The following SEPHS1 variants were observed in gnomAD, a reference collection of about 807,000 sequenced individuals.
The protein encoded by SEPHS1 is selenophosphate synthetase 1.
Under a neutral mutation model 39.2 loss-of-function variants are expected in SEPHS1, and 7 were observed. The ratio of observed to expected loss-of-function variants is 0.18; its 90% CI spans 0.10 to 0.34. The LOEUF (loss-of-function observed/expected upper bound fraction) is 0.34. SEPHS1 is among the 10% of genes least tolerant of loss of function. The pLI, the probability that SEPHS1 is intolerant of heterozygous loss-of-function variation, is 1.00. For synonymous variants in SEPHS1, 190 were observed against 195.5 expected (o/e 0.97, Z 0.23); for missense variants, 253 against 514.5 (o/e 0.49, Z 4.92).
intron 7 of SEPHS1, among the ~76,000 whole-genome samples, chr10:13,326,987 T>C (rs10796059): frequency 0.64 from 96,775 of 151,970 alleles, 31,074 homozygotes; most frequent in East Asian, 0.77. Context: ...CCTATAATCC[T>C]AGCACCTTGG....
At chr10:13,329,564 ATTTC>A (rs1297507966) in intron 6 of SEPHS1, 130 bp downstream of exon 6, 2 of 623,880 alleles carry the variant, frequency 3.2e-6, no homozygotes, top group Non-Finnish European at 5.6e-6. Flanking sequence ...AATTCCTAGG[ATTTC>A]TTTAAGGACT....
intron 4 of SEPHS1, among the ~76,000 whole-genome samples, chr10:13,334,553 A>C (rs144671019): frequency 1.9e-3 from 290 of 152,062 alleles, no homozygotes; most frequent in African/African-American, 6.0e-3. Context: ...AAAACAAAAA[A>C]AAAAAATATT....
chr10:13,348,058 T>G lies in SEPHS1; in HGVS notation c.-137A>C, dbSNP rs1833988315. 6.9e-6 allele frequency: 1 copy of G among 144,692 alleles called. No homozygotes were observed. Among genetic ancestry groups the G allele is most frequent in the African/African-American group, 2.5e-5 (1 of 40,032 alleles). 9.0% of individuals were successfully genotyped at this position (144,692 alleles called of 1,614,324 possible). ...AACGGGCCGCGGGCCGCTCCCACAA[T>G]GCACCGGGCGCGGCCGGGCTCCCTT... On this transcript the variant is annotated 5_prime_UTR_variant, in exon 1 of 9. Transcript: ENST00000327347.
chr10:13,339,952 C>T (rs1405735194), intron 2 of SEPHS1, among the ~76,000 whole-genome samples: 1 of 152,148 alleles, frequency 6.6e-6, no homozygotes, highest in Non-Finnish European at 1.5e-5. Context: ...GGATGCTGTA[C>T]TTCTACTTTG....
At position 13,323,732 on chromosome 10, in the gene SEPHS1, T is replaced by A. The variant is rs150003032; in HGVS notation, c.752-685A>T. ...GGTGAATTGCGTGCAAGTTTATTTTTAAATTTCTTTCTTTTTTTTTTTTTT... is the reference window on the plus strand; with the variant it reads ...GGTGAATTGCGTGCAAGTTTATTTTAAAATTTCTTTCTTTTTTTTTTTTTT... On this transcript the variant is annotated intron_variant, in intron 7 of 8. Coordinates refer to ENST00000327347, the MANE Select transcript of SEPHS1 (RefSeq NM_012247.5). Among the ~76,000 whole-genome samples the A allele has an allele frequency of 7.1e-3, 1,085 of 151,970 alleles. 13 individuals are homozygous for A. The highest frequency in any genetic ancestry group is 0.025 in the African/African-American group (1,032 of 41,470).
rs1833999364 is a variant in SEPHS1, at chr10:13,348,209, C to T, written c.-288G>A. 6.9e-6 allele frequency: 1 copy of T among 145,820 alleles called. No homozygotes were observed. Among genetic ancestry groups the T allele is most frequent in the Non-Finnish European group, 1.5e-5 (1 of 65,924 alleles). The allele number at this position is 145,820 out of a possible 1,614,324, so 9.0% of individuals were successfully genotyped here. On this transcript the variant is annotated 5_prime_UTR_variant, in exon 1 of 9. Transcript: ENST00000327347. ...GCCCTGCGGGAGCCGGGCCGCCGCG[C>T]TCCCGCCGGCTGGGCGCGCGGGGGT...
chr10:13,319,293 G>T lies in SEPHS1; in HGVS notation c.1028C>A (p.Pro343His), dbSNP rs749867055. 6.2e-7 allele frequency: 1 copy of T among 1,613,870 alleles called. No individual in the cohort carries two copies. Among genetic ancestry groups the T allele is most frequent in the Non-Finnish European group, 8.5e-7 (1 of 1,179,908 alleles). The change falls in exon 9 of 9, where the codon CCC becomes CAC. Residue 343 changes from proline to histidine, a missense_variant. Pro to His is a moderately conservative substitution (Grantham distance 77). Transcript: ENST00000327347. ...AARFCAEIKSPKYGEGHQAWI... is the reference protein window; with the variant it reads ...AARFCAEIKSHKYGEGHQAWI... Reference sequence around the variant, plus strand: ...TGCTTGGTGGCCTTCACCATATTTGGGGGACTTTATCTCTGCACAGAACCG... The same window carrying T: ...TGCTTGGTGGCCTTCACCATATTTGTGGGACTTTATCTCTGCACAGAACCG...
chr10:13,328,442 T>C lies in SEPHS1; in HGVS notation c.660A>G (p.Lys220=), dbSNP rs1833369475. 2 of 1,606,268 alleles carry C rather than the reference T, an allele frequency of 1.2e-6. No homozygotes were observed. The highest frequency in any genetic ancestry group is 1.7e-5 in the Admixed American group (1 of 59,840). ...AVHQWLDIPE[K]WNKIKLVVTQ... ...TGACCACTAGTTTAATCTTATTCCATTTCTCAGGCTGATAATAGAAATGTA... is the reference window on the plus strand; with the variant it reads ...TGACCACTAGTTTAATCTTATTCCACTTCTCAGGCTGATAATAGAAATGTA... The change falls in exon 7 of 9, where the codon AAA becomes AAG. Residue 220 remains lysine, a synonymous_variant. Transcript: ENST00000327347.
intron 7 of SEPHS1, 72 bp downstream of exon 7, chr10:13,328,279 G>A (rs1833363029): frequency 1.9e-6 from 2 of 1,054,088 alleles, no homozygotes; most frequent in South Asian, 1.4e-5. Context: ...GAGACAGTAT[G>A]TGGCCAGAAA....
intron 7 of SEPHS1, among the ~76,000 whole-genome samples, chr10:13,325,493 C>T (rs986061801): frequency 6.6e-6 from 1 of 152,188 alleles, no homozygotes; most frequent in South Asian, 2.1e-4. Flanking sequence ...CCCTGCTCTT[C>T]TCTGTCCTGC....
intron 2 of SEPHS1, among the ~76,000 whole-genome samples, chr10:13,344,137 C>T (rs1435798364): frequency 6.6e-6 from 1 of 152,156 alleles, no homozygotes; most frequent in Non-Finnish European, 1.5e-5. Flanking sequence ...CCGTAACACG[C>T]TTTTCGCCCG....
In SEPHS1 at chr10:13,317,703, T is replaced by TG. The variant is rs1294562764; in HGVS notation, c.*1438_*1439insC. 6.6e-6 allele frequency: 1 copy of TG among 152,186 alleles called. No homozygotes were observed. Among genetic ancestry groups the TG allele is most frequent in the Non-Finnish European group, 1.5e-5 (1 of 68,038 alleles). The allele number at this position is 152,186 out of a possible 1,614,324, so 9.4% of individuals were successfully genotyped here. ...AGGGGTCATTTCCTTTGGCAAGAAG[T>TG]CAGTTTACATGTGCAGCTTTGGTGC... On this transcript the variant is annotated 3_prime_UTR_variant, in exon 9 of 9. Coordinates refer to ENST00000327347, the MANE Select transcript of SEPHS1 (RefSeq NM_012247.5).
intron 8 of SEPHS1, among the ~76,000 whole-genome samples, chr10:13,321,418 T>C (rs1833111957): frequency 6.6e-6 from 1 of 152,074 alleles, no homozygotes; most frequent in Non-Finnish European, 1.5e-5. Context: ...CCGCTAATTT[T>C]TGTATTTTTA....
In SEPHS1 at chr10:13,318,512, AAAT is replaced by A. The variant is rs1833009176; in HGVS notation, c.*627_*629del. On this transcript the variant is annotated 3_prime_UTR_variant, in exon 9 of 9. Transcript: ENST00000327347. The stretch of plus-strand genomic sequence containing the variant: ...AATATCAGGAAGGCTACAAAAAAAG[AAAT>A]AAGATTTCTTTTTTGTCTTCAAAGT... The A allele has an allele frequency of 6.6e-6, 1 of 152,640 alleles. No individual in the cohort carries two copies. Among genetic ancestry groups the A allele is most frequent in the Non-Finnish European group, 1.5e-5 (1 of 68,060 alleles). 9.5% of individuals were successfully genotyped at this position (152,640 alleles called of 1,614,324 possible).
Position 13,347,076 on chromosome 10 carries a change from GGGACGGTGCC to G in SEPHS1, c.-79+914_-79+923del, listed in dbSNP as rs528760450. Among the ~76,000 whole-genome samples, 12 of 152,286 alleles carry G rather than the reference GGGACGGTGCC, an allele frequency of 7.9e-5. No homozygotes were observed. In the South Asian group the frequency reaches 2.5e-3, roughly 32 times the overall value. ...CAGGGGGATCCATTTGCATTAATAA[GGGACGGTGCC>G]CGGCGACCCCGCAGCCACATGTTTA... On this transcript the variant is annotated intron_variant, in intron 1 of 8. Transcript: ENST00000327347.
chr10:13,339,078 A>C (rs1276619096), intron 2 of SEPHS1, among the ~76,000 whole-genome samples: 1 of 152,210 alleles, frequency 6.6e-6, no homozygotes, highest in Non-Finnish European at 1.5e-5. Context: ...CTTGAATAAA[A>C]ATCTTTTTCA....
chr10:13,334,774 G>A (rs1190395645), intron 4 of SEPHS1, among the ~76,000 whole-genome samples: 1 of 152,308 alleles, frequency 6.6e-6, no homozygotes, highest in East Asian at 1.9e-4. Context: ...ATCCAATGCT[G>A]GAAGATGTTC....
At chr10:13,335,647 G>A (rs1485165266) in intron 4 of SEPHS1, among the ~76,000 whole-genome samples, 1 of 146,782 alleles carries the variant, frequency 6.8e-6, no homozygotes, top group African/African-American at 2.6e-5. Context: ...CTGGGTGACA[G>A]AGTGAGACTC....
intron 7 of SEPHS1, among the ~76,000 whole-genome samples, chr10:13,324,021 A>C (rs1833189271): frequency 6.6e-6 from 1 of 152,008 alleles, no homozygotes; most frequent in Non-Finnish European, 1.5e-5. Flanking sequence ...TATTTTTTGG[A>C]GCAGTTTTGC....
Sources: gnomAD v4.1 joint callset for allele counts (sites outside exome capture counted in the v4.1 genomes callset) on GRCh38, gnomAD v4.1.1 for gene constraint, MANE v1.5 for transcripts, NCBI Gene and HGNC (gene_info 2026-07-23, HGNC 2026-07-21) for gene names.